The following ZNF652 variants were observed in gnomAD, a reference collection of about 807,000 sequenced individuals.
ZNF652 encodes zinc finger protein 652.
In ZNF652, 16 loss-of-function variants were observed where a neutral mutation model predicts 45.2. The ratio of observed to expected loss-of-function variants is 0.35; its 90% CI spans 0.24 to 0.54. The LOEUF (loss-of-function observed/expected upper bound fraction) is 0.54, where lower values mean the gene tolerates loss of function less well. ZNF652 is among the 20% of genes least tolerant of loss of function. The probability of loss-of-function intolerance (pLI) is 0.91; values close to 1 mark genes in which losing one functional copy is unlikely to be tolerated. For missense variants in ZNF652, 614 were observed against 765.6 expected (o/e 0.80, Z 2.34); for synonymous variants, 250 against 260.6 (o/e 0.96, Z 0.39).
intron 1 of ZNF652, among the ~76,000 whole-genome samples, chr17:49,339,252 G>C (rs555408005): frequency 7.6e-6 from 1 of 131,398 alleles, no homozygotes; most frequent in East Asian, 2.2e-4. Context: ...CCTAGGCTTG[G>C]AGTGCAGTGG....
chr17:49,344,069 C>T (rs1264358615), intron 1 of ZNF652, among the ~76,000 whole-genome samples: 2 of 151,940 alleles, frequency 1.3e-5, no homozygotes, highest in East Asian at 1.9e-4. Context: ...GGTGTGGTGG[C>T]GGGCGCCTGT....
At chr17:49,314,007 A>AAAAAAAG (rs2069760534) in intron 2 of ZNF652, among the ~76,000 whole-genome samples, 2 of 139,464 alleles carry the variant, frequency 1.4e-5, no homozygotes, top group African/African-American at 5.3e-5. Context: ...AAAAAAAAAA[A>AAAAAAAG]AAAAAAGAAA....
downstream of ZNF652, among the ~76,000 whole-genome samples, chr17:49,288,117 T>C (rs985199425): frequency 1.1e-4 from 16 of 149,120 alleles, no homozygotes; most frequent in Non-Finnish European, 2.4e-4. Context: ...GCAGCACATA[T>C]ATTTTTCTTG....
At chr17:49,314,907 T>C (rs992272335) in intron 2 of ZNF652, among the ~76,000 whole-genome samples, 1 of 152,130 alleles carries the variant, frequency 6.6e-6, no homozygotes, top group Admixed American at 6.5e-5. Context: ...TCTCACTCTG[T>C]TGCTCAAGCT....
At position 49,350,970 on chromosome 17, in the gene ZNF652, CATATATATATATATATATATATATATAT is replaced by C. The variant is rs372720324; in HGVS notation, c.-259+10911_-259+10938del. ...GGGTGACAGAGCAAGACTCTGTCTA[CATATATATATATATATATATATATATAT>C]ATATATATATATATATACACACACA... is the stretch of plus-strand genomic sequence containing the variant. On this transcript the variant is annotated intron_variant, in intron 1 of 5. Coordinates refer to ENST00000430262, the MANE Select transcript of ZNF652 (RefSeq NM_001145365.3). Among the ~76,000 whole-genome samples, 214 of 42,288 alleles carry C rather than the reference CATATATATATATATATATATATATATAT, an allele frequency of 5.1e-3. 3 individuals are homozygous for C. The highest frequency in any genetic ancestry group is 0.011 in the Admixed American group (36 of 3,238). 27.7% of individuals were successfully genotyped at this position (42,288 alleles called of 152,430 possible). A position where few individuals can be genotyped will look rare whatever the true frequency, so the allele number is the denominator to read the frequency against.
In ZNF652 at chr17:49,298,602, G is replaced by A. The variant is rs751801341; in HGVS notation, c.1632C>T (p.Pro544=). The part of the protein sequence containing the change: ...PVSTLPPRPI[P]HPFSHLHIHP... ...GGATGTGCAGGTGTGAGAAGGGGTG[G>A]GGGATGGGCCGAGGGGGAAGAGTGC... Residue 544 remains proline (P), a synonymous_variant, in exon 6 of 6, where the codon CCC becomes CCT. Coordinates refer to ENST00000430262, the MANE Select transcript of ZNF652 (RefSeq NM_001145365.3). The A allele has an allele frequency of 3.1e-6, 5 of 1,612,956 alleles. No individual in the cohort carries two copies. Among genetic ancestry groups the A allele is most frequent in the South Asian group, 1.1e-5 (1 of 91,000 alleles).
chr17:49,358,504 T>G (rs1173528094), intron 1 of ZNF652, among the ~76,000 whole-genome samples: 1 of 152,344 alleles, frequency 6.6e-6, no homozygotes, highest in South Asian at 2.1e-4. Context: ...GCTGACTTTT[T>G]TATAACAAGG....
intron 5 of ZNF652, among the ~76,000 whole-genome samples, chr17:49,300,201 C>T (rs2069533259): frequency 6.6e-6 from 1 of 152,166 alleles, no homozygotes; most frequent in Non-Finnish European, 1.5e-5. Flanking sequence ...CAGACAATTC[C>T]TCATTATGTG....
rs1422223346 is a variant in ZNF652 at position 49,298,667 on chromosome 17, C to T, written c.1567G>A (p.Ala523Thr). The T allele has an allele frequency of 6.2e-7, 1 of 1,613,582 alleles. No individual in the cohort carries two copies. The highest frequency in any genetic ancestry group is 8.5e-7 in the Non-Finnish European group (1 of 1,179,936). The change falls in exon 6 of 6, where the codon GCC (alanine) becomes ACC (threonine). Residue 523 changes from alanine (A) to threonine (T), a missense_variant. This residue lies in a region of ZNF652 where 132 missense variants were observed against 137.2 expected (regional missense o/e 0.96). Coordinates refer to ENST00000430262, the MANE Select transcript of ZNF652 (RefSeq NM_001145365.3). ...ATPVPSVVNT[A>T]TTPTPPINMN... The stretch of plus-strand genomic sequence containing the variant: ...TTGATTGGAGGGGTTGGGGTTGTGG[C>T]TGTGTTCACCACAGAAGGAACTGGG...
chr17:49,359,512 G>T (rs868333890), intron 1 of ZNF652, among the ~76,000 whole-genome samples: 3 of 152,048 alleles, frequency 2.0e-5, no homozygotes, highest in Non-Finnish European at 4.4e-5. Context: ...AGGTCTCAAA[G>T]AATTTTTTAA....
intron 1 of ZNF652, among the ~76,000 whole-genome samples, chr17:49,350,988 T>TATATAC (rs2070267592): frequency 6.3e-5 from 2 of 31,612 alleles, no homozygotes; most frequent in Non-Finnish European, 1.1e-4. Flanking sequence ...TATATATATA[T>TATATAC]ATATATATAT....
At chr17:49,305,204 A>T (rs922600432) in intron 5 of ZNF652, among the ~76,000 whole-genome samples, 1 of 152,196 alleles carries the variant, frequency 6.6e-6, no homozygotes, top group Non-Finnish European at 1.5e-5. Context: ...ATAAATTTTA[A>T]AAAGTTCATT....
chr17:49,347,731 CTTGGTT>C (rs773800904), intron 1 of ZNF652, among the ~76,000 whole-genome samples: 2 of 122,500 alleles, frequency 1.6e-5, no homozygotes, highest in Non-Finnish European at 1.7e-5. Context: ...AAAATTGAAC[CTTGGTT>C]TTGTTTTTTT....
At chr17:49,339,079 T>G (rs1023490363) in intron 1 of ZNF652, among the ~76,000 whole-genome samples, 4 of 151,978 alleles carry the variant, frequency 2.6e-5, no homozygotes, top group Non-Finnish European at 5.9e-5. Context: ...TATCACTCAC[T>G]AGCTGTGGGT....
chr17:49,358,045 T>A (rs2143145386), intron 1 of ZNF652, among the ~76,000 whole-genome samples: 1 of 152,342 alleles, frequency 6.6e-6, no homozygotes, highest in South Asian at 2.1e-4. Context: ...TATCCTAACA[T>A]GTATTGAGTC....
At chr17:49,332,082 G>C (rs2070031341) in intron 1 of ZNF652, among the ~76,000 whole-genome samples, 1 of 152,056 alleles carries the variant, frequency 6.6e-6, no homozygotes, top group African/African-American at 2.4e-5. Context: ...AGACCAGCTT[G>C]GCCAGCGTGG....
intron 1 of ZNF652, among the ~76,000 whole-genome samples, chr17:49,355,878 A>T (rs1413240530): frequency 6.6e-6 from 1 of 152,082 alleles, no homozygotes; most frequent in Non-Finnish European, 1.5e-5. Context: ...AAGCCTGGGC[A>T]ACATAGCGAG....
intron 5 of ZNF652, 28 bp downstream of exon 5, chr17:49,311,284 A>C: frequency 6.2e-7 from 1 of 1,611,818 alleles, no homozygotes; most frequent in Non-Finnish European, 8.5e-7. Flanking sequence ...TTGAGACATT[A>C]TCTGTACCTT....
At chr17:49,302,490 A>T (rs2069567594) in intron 5 of ZNF652, among the ~76,000 whole-genome samples, 1 of 151,370 alleles carries the variant, frequency 6.6e-6, no homozygotes, top group African/African-American at 2.4e-5. Context: ...GGGTTTCACC[A>T]TGTTAGCCAG....
Sources: gnomAD v4.1 joint callset for allele counts (sites outside exome capture counted in the v4.1 genomes callset) on GRCh38, gnomAD v4.1.1 for gene constraint, gnomAD v4.1.1 regional missense constraint, MANE v1.5 for transcripts, NCBI Gene and HGNC (gene_info 2026-07-23, HGNC 2026-07-21) for gene names.